Variants in ASPH observed in about 807,000 individuals in gnomAD.
ASPH encodes the protein aspartyl/asparaginyl beta-hydroxylase.
A neutral mutation model predicts 118.4 loss-of-function variants in ASPH; 100 were observed. The observed-to-expected ratio is 0.84, with a 90% CI of 0.72 to 1.00. The LOEUF (loss-of-function observed/expected upper bound fraction) is 1.00. Among genes scored for constraint, ASPH ranks in the 50% least tolerant of loss-of-function variants. ASPH has a pLI of 0.00. For missense variants in ASPH, 920 were observed against 919.5 expected (o/e 1.00, Z -0.01); for synonymous variants, 315 against 325.6 (o/e 0.97, Z 0.35).
intron 1 of ASPH, chr8:61,684,556 G>A (rs757940439): frequency 1.6e-4 from 26 of 164,706 alleles, no homozygotes; most frequent in African/African-American, 3.6e-4. Flanking sequence ...CCTTTTCTCC[G>A]TCCCATTTCA....
rs145704937 is a variant in ASPH, at chr8:61,553,758, G to A, written c.1537-638C>T. ...ATTGAGATTGATGAACCCCATTCCC[G>A]TCCCCACAAAGAGAAAAGAGAAAAT... On this transcript the variant is annotated intron_variant, in intron 19 of 24. Transcript: ENST00000379454. Among the ~76,000 whole-genome samples the A allele has an allele frequency of 1.9e-3, 293 of 152,080 alleles. 3 individuals carry two copies. Among genetic ancestry groups the A allele is most frequent in the East Asian group, 6.6e-3 (34 of 5,186 alleles).
intron 1 of ASPH, among the ~76,000 whole-genome samples, chr8:61,706,392 G>A (rs1166152034): frequency 1.9e-5 from 2 of 106,598 alleles, no homozygotes; most frequent in African/African-American, 3.7e-5. Flanking sequence ...GTGAAAGAGC[G>A]AGGTCATGAC....
At chr8:61,601,107 C>T (rs1449119003) in intron 14 of ASPH, among the ~76,000 whole-genome samples, 3 of 151,204 alleles carry the variant, frequency 2.0e-5, no homozygotes, top group Non-Finnish European at 4.4e-5. Flanking sequence ...CAAAACCTGA[C>T]AGAACTTTAA....
chr8:61,642,084 A>C (rs1208289133), intron 10 of ASPH, among the ~76,000 whole-genome samples: 2 of 152,242 alleles, frequency 1.3e-5, no homozygotes, highest in South Asian at 4.1e-4. Flanking sequence ...ATGCTTGGAC[A>C]CAAGAGGAGG....
chr8:61,545,479 C>T (rs1823493492), intron 21 of ASPH, among the ~76,000 whole-genome samples: 1 of 152,184 alleles, frequency 6.6e-6, no homozygotes. Flanking sequence ...CAAGGGGTTA[C>T]GTGGTGAGTT....
chr8:61,642,113 G>C (rs138180787), intron 10 of ASPH, among the ~76,000 whole-genome samples: 2,808 of 152,270 alleles, frequency 0.018, 39 homozygotes, highest in Non-Finnish European at 0.026. Context: ...GGCCTAAACT[G>C]AATCAGATGC....
chr8:61,554,716 T>A (rs922752773), intron 19 of ASPH, among the ~76,000 whole-genome samples: 1 of 152,188 alleles, frequency 6.6e-6, no homozygotes, highest in Non-Finnish European at 1.5e-5. Flanking sequence ...GCTCTGTTTT[T>A]TTTGTTTGTT....
At chr8:61,587,305 C>T (rs1263221402) in intron 14 of ASPH, among the ~76,000 whole-genome samples, 1 of 152,154 alleles carries the variant, frequency 6.6e-6, no homozygotes, top group Non-Finnish European at 1.5e-5. Flanking sequence ...AATGAATAGA[C>T]ATTTCTCTGT....
chr8:61,693,072 C>T (rs188508150), intron 1 of ASPH, among the ~76,000 whole-genome samples: 84 of 152,270 alleles, frequency 5.5e-4, no homozygotes, highest in African/African-American at 2.0e-3. Flanking sequence ...CATCCACCAC[C>T]TCCAGTGACT....
intron 1 of ASPH, among the ~76,000 whole-genome samples, chr8:61,707,981 T>G (rs1837110255): frequency 6.6e-6 from 1 of 152,186 alleles, no homozygotes; most frequent in Non-Finnish European, 1.5e-5. Context: ...ATAATGTGTA[T>G]GTGCTACATG....
Position 61,615,986 on chromosome 8 carries a change from G to A in ASPH, c.976+2992C>T, listed in dbSNP as rs535322253. Reference sequence around the variant, plus strand: ...ATGGAATTTCCACAGCTCACAATTTGCTCCAATAGATTTTTAATAAATCTG... The same window carrying A: ...ATGGAATTTCCACAGCTCACAATTTACTCCAATAGATTTTTAATAAATCTG... On this transcript the variant is annotated intron_variant, in intron 14 of 24. Coordinates refer to ENST00000379454, the MANE Select transcript of ASPH (RefSeq NM_004318.4). Among the ~76,000 whole-genome samples, 6 of 152,144 alleles carry A rather than the reference G, an allele frequency of 3.9e-5. No homozygotes were observed. The South Asian group carries it at 1.2e-3, about 32-fold the overall frequency.
intron 22 of ASPH, among the ~76,000 whole-genome samples, chr8:61,520,670 C>T (rs1812628208): frequency 1.3e-5 from 2 of 152,308 alleles, no homozygotes; most frequent in East Asian, 3.9e-4. Context: ...TGAGCCTGGG[C>T]TTTCCAAGTC....
intron 6 of ASPH, among the ~76,000 whole-genome samples, chr8:61,645,363 T>C (rs747151353): frequency 1.3e-5 from 2 of 152,218 alleles, no homozygotes; most frequent in Non-Finnish European, 2.9e-5. Context: ...CATGCTTCTG[T>C]TTATTTCAGC....
intron 3 of ASPH, chr8:61,664,746 AG>A: frequency 2.0e-6 from 2 of 975,612 alleles, no homozygotes; most frequent in Non-Finnish European, 2.4e-6. Flanking sequence ...GAGGGCTGGG[AG>A]GGCTGGAGAG....
chr8:61,671,443 C>A (rs770117545), intron 3 of ASPH, among the ~76,000 whole-genome samples: 2 of 152,240 alleles, frequency 1.3e-5, no homozygotes, highest in Admixed American at 6.5e-5. Flanking sequence ...TCTATCAATT[C>A]GAGCAAAAAT....
chr8:61,570,659 T>C (rs1353944835), intron 16 of ASPH, among the ~76,000 whole-genome samples: 1 of 152,206 alleles, frequency 6.6e-6, no homozygotes, highest in Non-Finnish European at 1.5e-5. Context: ...TGAATAAAAC[T>C]GATAGGCACT....
chr8:61,640,999 T>A (rs766963125), intron 10 of ASPH, among the ~76,000 whole-genome samples: 4 of 152,242 alleles, frequency 2.6e-5, no homozygotes, highest in Non-Finnish European at 4.4e-5. Flanking sequence ...AGTTACTTGG[T>A]TTCTCTGCTC....
chr8:61,562,271 G>A lies in ASPH; in HGVS notation c.1437+473C>T, dbSNP rs184263786. 1.5e-3 allele frequency among the ~76,000 whole-genome samples: 158 copies of A among 108,556 alleles called. 1 individual carries two copies. Among genetic ancestry groups the A allele is most frequent in the African/African-American group, 4.8e-3 (133 of 27,454 alleles). The allele number at this position is 108,556 out of a possible 152,430, so 71.2% of individuals were successfully genotyped here. On this transcript the variant is annotated intron_variant, in intron 18 of 24. Transcript: ENST00000379454. Reference sequence around the variant, plus strand: ...AGGTATCCTTGCCAGAGGATTTGAAGAGTCAGTGCCCTGCTGAAAAGTAAT... The same window carrying A: ...AGGTATCCTTGCCAGAGGATTTGAAAAGTCAGTGCCCTGCTGAAAAGTAAT...
chr8:61,554,050 C>T (rs1213799683), intron 19 of ASPH, among the ~76,000 whole-genome samples: 1 of 152,238 alleles, frequency 6.6e-6, no homozygotes, highest in East Asian at 1.9e-4. Context: ...TGCTTGATAA[C>T]TGACCAGGCC....
Sources: allele counts gnomAD v4.1 joint callset (sites outside exome capture counted in the v4.1 genomes callset), GRCh38; gene constraint gnomAD v4.1.1; transcripts MANE v1.5; gene names NCBI Gene and HGNC (gene_info 2026-07-23, HGNC 2026-07-21).